The following CRPPA variants were observed in gnomAD, a reference collection of about 807,000 sequenced individuals.
The protein encoded by CRPPA is D-ribitol-5-phosphate cytidylyltransferase.
In CRPPA, 43 loss-of-function variants were observed where a neutral mutation model predicts 52.0. The ratio of observed to expected loss-of-function variants is 0.83; its 90% CI spans 0.65 to 1.07. The LOEUF is 1.07. Among genes scored for constraint, CRPPA ranks in the 50% least tolerant of loss-of-function variants. CRPPA has a pLI of 0.00. For synonymous variants in CRPPA, 250 were observed against 203.5 expected (o/e 1.23, Z -1.94); for missense variants, 629 against 551.7 (o/e 1.14, Z -1.40).
chr7:16,393,725 T>C (rs1787498619), intron 2 of CRPPA, among the ~76,000 whole-genome samples: 2 of 152,154 alleles, frequency 1.3e-5, no homozygotes, highest in South Asian at 2.1e-4. Flanking sequence ...TTTAAGTATA[T>C]TAAGATTAAA....
intron 6 of CRPPA, among the ~76,000 whole-genome samples, chr7:16,271,450 A>C (rs1039572811): frequency 1.1e-4 from 16 of 152,166 alleles, no homozygotes; most frequent in Non-Finnish European, 1.8e-4. Context: ...AAATGATAAT[A>C]GTAGCAACGG....
chr7:16,368,133 G>A (rs897586571), intron 3 of CRPPA, among the ~76,000 whole-genome samples: 3 of 152,130 alleles, frequency 2.0e-5, no homozygotes, highest in African/African-American at 7.2e-5. Flanking sequence ...ATTTTAAAAA[G>A]CTTCTTTGTA....
At position 16,357,541 on chromosome 7, in the gene CRPPA, A is replaced by T. The variant is rs574013506; in HGVS notation, c.684+18551T>A. ...TCCTCTGTGGCTCCACTATTCTAGGATATCCCCCTCAATTCCCCGCTACCT... is the reference window on the plus strand; with the variant it reads ...TCCTCTGTGGCTCCACTATTCTAGGTTATCCCCCTCAATTCCCCGCTACCT... On this transcript the variant is annotated intron_variant, in intron 3 of 9. Transcript: ENST00000407010. Among the ~76,000 whole-genome samples the T allele has an allele frequency of 2.0e-5, 3 of 152,212 alleles. No homozygotes were observed. The East Asian group carries it at 5.8e-4, about 29-fold the overall frequency.
At chr7:16,323,305 G>T (rs1435032911) in intron 3 of CRPPA, among the ~76,000 whole-genome samples, 3 of 152,064 alleles carry the variant, frequency 2.0e-5, no homozygotes, top group Admixed American at 6.5e-5. Context: ...TATAACCTTT[G>T]CCAGGTAACT....
chr7:16,117,211 T>C (rs571422551), intron 9 of CRPPA, among the ~76,000 whole-genome samples: 13 of 152,332 alleles, frequency 8.5e-5, no homozygotes, highest in African/African-American at 2.6e-4. Flanking sequence ...GAATCGGTTG[T>C]TTCTCTCTCT....
chr7:16,324,650 T>C (rs1291825652), intron 3 of CRPPA, among the ~76,000 whole-genome samples: 3 of 151,886 alleles, frequency 2.0e-5, no homozygotes, highest in South Asian at 4.2e-4. Context: ...TACATTACCA[T>C]CAACAAGGTC....
At chr7:16,213,157 C>T (rs1308648285) in intron 9 of CRPPA, among the ~76,000 whole-genome samples, 1 of 152,194 alleles carries the variant, frequency 6.6e-6, no homozygotes, top group Non-Finnish European at 1.5e-5. Flanking sequence ...ATGCCAGAAA[C>T]ATTCTGTCTC....
chr7:16,304,059 T>G (rs1784852020), intron 4 of CRPPA, among the ~76,000 whole-genome samples: 1 of 152,158 alleles, frequency 6.6e-6, no homozygotes, highest in African/African-American at 2.4e-5. Context: ...TACAGTGTAG[T>G]AAGAGACCAA....
chr7:16,421,204 G>C lies in CRPPA; in HGVS notation c.119C>G (p.Pro40Arg). Residue 40 changes from proline to arginine, a missense_variant, in exon 1 of 10, where the codon CCC becomes CGC. By Grantham distance (103) the Pro-to-Arg change is moderately radical (BLOSUM62 -2). Transcript: ENST00000407010. ...ASLQSVAGTE[P>R]GRHPQAVAAV... Reference sequence around the variant, plus strand: ...TGCCACGGCTTGCGGGTGGCGCCCGGGCTCGGTCCCGGCCACGCTCTGCAG... The same window carrying C: ...TGCCACGGCTTGCGGGTGGCGCCCGCGCTCGGTCCCGGCCACGCTCTGCAG... The C allele has an allele frequency of 7.4e-7, 1 of 1,345,412 alleles. No individual in the cohort carries two copies. Among genetic ancestry groups the C allele is most frequent in the South Asian group, 2.0e-5 (1 of 50,078 alleles). 83.3% of individuals were successfully genotyped at this position (1,345,412 alleles called of 1,614,324 possible). A position where few individuals can be genotyped will look rare whatever the true frequency, so the allele number is the denominator to read the frequency against.
chr7:16,138,800 CTGTT>C lies in CRPPA; in HGVS notation c.1252-47005_1252-47002del, dbSNP rs544074961. On this transcript the variant is annotated intron_variant, in intron 9 of 9. Transcript: ENST00000407010. ...ACCCCCCCACACATTATTTTTTTGT[CTGTT>C]TGTTTGTTTGTTTTGAGATGGAGTT... is the stretch of plus-strand genomic sequence containing the variant. 3.3e-4 allele frequency among the ~76,000 whole-genome samples: 50 copies of C among 151,774 alleles called. No homozygotes were observed. In the South Asian group the frequency reaches 9.2e-3, roughly 28 times the overall value.
chr7:16,106,092 C>A (rs1328385726), intron 9 of CRPPA, among the ~76,000 whole-genome samples: 1 of 152,162 alleles, frequency 6.6e-6, no homozygotes, highest in African/African-American at 2.4e-5. Context: ...AGTGATTCCA[C>A]TCACTGTAAC....
At chr7:16,328,600 C>T (rs1000572529) in intron 3 of CRPPA, among the ~76,000 whole-genome samples, 25 of 152,184 alleles carry the variant, frequency 1.6e-4, no homozygotes, top group African/African-American at 5.3e-4. Context: ...CTGCAACCTC[C>T]GCCTCCCAGG....
Position 16,342,506 on chromosome 7 carries a change from A to G in CRPPA, c.684+33586T>C, listed in dbSNP as rs543068989. ...AAATATTTGTATTTAGTACTGAAAT[A>G]TAATTTTAAATAAGCAACAATGGAT... On this transcript the variant is annotated intron_variant, in intron 3 of 9. Transcript: ENST00000407010. Among the ~76,000 whole-genome samples, 18 of 152,130 alleles carry G rather than the reference A, an allele frequency of 1.2e-4. No homozygotes were observed. In the East Asian group the frequency reaches 3.5e-3, roughly 29 times the overall value.
intron 2 of CRPPA, among the ~76,000 whole-genome samples, chr7:16,398,569 C>T (rs1330813848): frequency 1.3e-5 from 2 of 152,010 alleles, no homozygotes; most frequent in Admixed American, 6.6e-5. Flanking sequence ...GTCAAGTGAT[C>T]GACACGTGTG....
chr7:16,159,437 G>T (rs938985760), intron 9 of CRPPA, among the ~76,000 whole-genome samples: 5 of 152,114 alleles, frequency 3.3e-5, no homozygotes, highest in Non-Finnish European at 7.4e-5. Context: ...TATGAGGACA[G>T]GCGGTGTTTG....
chr7:16,334,749 C>T lies in CRPPA; in HGVS notation c.685-26122G>A, dbSNP rs929210363. Among the ~76,000 whole-genome samples, 5 of 152,048 alleles carry T rather than the reference C, an allele frequency of 3.3e-5. 1 individual carries two copies. The highest frequency in any genetic ancestry group is 3.9e-4 in the East Asian group (2 of 5,168). On this transcript the variant is annotated intron_variant, in intron 3 of 9. Transcript: ENST00000407010. ...TTAACCTCAGAGCACAGGAAGCAAC[C>T]GAGCCCAATTAGAGAAGCTGACACC...
chr7:16,276,330 TCAGC>T (rs1784203590), intron 6 of CRPPA, among the ~76,000 whole-genome samples: 1 of 152,132 alleles, frequency 6.6e-6, no homozygotes, highest in South Asian at 2.1e-4. Flanking sequence ...CCTAGCAATA[TCAGC>T]CAAAATGACT....
intron 8 of CRPPA, among the ~76,000 whole-genome samples, chr7:16,241,832 T>C (rs779014576): frequency 1.3e-5 from 2 of 151,956 alleles, no homozygotes; most frequent in Admixed American, 6.6e-5. Context: ...AAATCTCCTT[T>C]ATCACTGGGT....
At chr7:16,381,847 A>G (rs10239240) in intron 2 of CRPPA, among the ~76,000 whole-genome samples, 4,114 of 150,600 alleles carry the variant, frequency 0.027, 164 homozygotes, top group African/African-American at 0.087. Context: ...TTGCTTGGTA[A>G]ATCTTTCTCC....
Sources: allele counts gnomAD v4.1 joint callset (sites outside exome capture counted in the v4.1 genomes callset), GRCh38; gene constraint gnomAD v4.1.1; transcripts MANE v1.5; gene names NCBI Gene and HGNC (gene_info 2026-07-23, HGNC 2026-07-21).